The following AKAP6 variants were observed in gnomAD, a reference collection of about 807,000 sequenced individuals.
The protein encoded by AKAP6 is A-kinase anchoring protein 6.
In AKAP6, 58 loss-of-function variants were observed where a neutral mutation model predicts 188.5. The observed-to-expected ratio is 0.31, with a 90% CI of 0.25 to 0.38. AKAP6 has a LOEUF of 0.38. Among genes scored for constraint, AKAP6 ranks in the 10% least tolerant of loss-of-function variants. The probability of loss-of-function intolerance (pLI) is 1.00; values close to 1 mark genes in which losing one functional copy is unlikely to be tolerated. For synonymous variants in AKAP6, 989 were observed against 998.6 expected, an observed-to-expected ratio of 0.99 and a Z score of 0.18; for missense variants, 2,710 against 2,740.0, an observed-to-expected ratio of 0.99 and a Z score of 0.24.
At chr14:32,460,325 C>G (rs1426332270) in intron 2 of AKAP6, among the ~76,000 whole-genome samples, 2 of 152,130 alleles carry the variant, frequency 1.3e-5, no homozygotes, top group Non-Finnish European at 2.9e-5. Flanking sequence ...TATTAACTGG[C>G]CAAGATGGCT....
At chr14:32,613,105 A>G (rs1218092389) in intron 7 of AKAP6, among the ~76,000 whole-genome samples, 1 of 152,238 alleles carries the variant, frequency 6.6e-6, no homozygotes, top group Non-Finnish European at 1.5e-5. Flanking sequence ...TGTAGGAAAT[A>G]TATGATTGGG....
intron 2 of AKAP6, among the ~76,000 whole-genome samples, chr14:32,459,651 G>T (rs933608334): frequency 4.2e-5 from 6 of 141,374 alleles, no homozygotes; most frequent in African/African-American, 1.5e-4. Flanking sequence ...AAAAAAAAAA[G>T]AAGAAAAAAT....
At chr14:32,448,486 A>G (rs886785880) in intron 2 of AKAP6, among the ~76,000 whole-genome samples, 1 of 152,200 alleles carries the variant, frequency 6.6e-6, no homozygotes, top group Admixed American at 6.5e-5. Context: ...TTAAAATAAT[A>G]TCTGGCCCTC....
chr14:32,355,071 A>G (rs1887433547), intron 1 of AKAP6, among the ~76,000 whole-genome samples: 1 of 152,100 alleles, frequency 6.6e-6, no homozygotes, highest in Non-Finnish European at 1.5e-5. Flanking sequence ...TGTCCTTTCT[A>G]TGGACTAATT....
intron 1 of AKAP6, among the ~76,000 whole-genome samples, chr14:32,379,164 G>A (rs371378471): frequency 5.1e-4 from 77 of 152,066 alleles, no homozygotes; most frequent in African/African-American, 1.6e-3. Context: ...CAGGTGATCC[G>A]CCCCCTTGGC....
chr14:32,545,409 C>G lies in AKAP6; in HGVS notation c.756C>G (p.Pro252=), dbSNP rs764264334. 4 of 1,614,078 alleles carry G rather than the reference C, an allele frequency of 2.5e-6. No homozygotes were observed. The highest frequency in any genetic ancestry group is 1.3e-5 in the African/African-American group (1 of 74,924). ...DMTSSQVKTK[P]FDSWSYSEME... ...CCTCTAGCCAAGTCAAAACCAAACC[C>G]TTTGACTCTTGGAGCTACAGTGAGA... The change falls in exon 4 of 14, where the codon CCC becomes CCG. Residue 252 remains proline (P), a synonymous_variant. Coordinates refer to ENST00000280979, the MANE Select transcript of AKAP6 (RefSeq NM_004274.5).
chr14:32,597,508 CAGGCACGTTTTGACTAT>C (rs1885753974), intron 5 of AKAP6, among the ~76,000 whole-genome samples: 1 of 152,144 alleles, frequency 6.6e-6, no homozygotes, highest in Non-Finnish European at 1.5e-5. Flanking sequence ...AAAGTAAGTG[CAGGCACGTTTTGACTAT>C]AAAATAACAA....
intron 5 of AKAP6, among the ~76,000 whole-genome samples, chr14:32,588,744 A>C (rs950345011): frequency 6.6e-6 from 1 of 152,170 alleles, no homozygotes; most frequent in Non-Finnish European, 1.5e-5. Flanking sequence ...CATTATACTA[A>C]ATACTTATAA....
intron 1 of AKAP6, among the ~76,000 whole-genome samples, chr14:32,429,034 G>A (rs1346649787): frequency 6.6e-6 from 1 of 152,150 alleles, no homozygotes; most frequent in Non-Finnish European, 1.5e-5. Flanking sequence ...AAAGGTGGCC[G>A]CAGACAAGCA....
At chr14:32,808,817 T>C (rs2140109158) in intron 12 of AKAP6, among the ~76,000 whole-genome samples, 1 of 152,304 alleles carries the variant, frequency 6.6e-6, no homozygotes, top group Non-Finnish European at 1.5e-5. Context: ...GTCTTCATGT[T>C]TGGTGTGCAG....
chr14:32,837,251 A>C lies in AKAP6; in HGVS notation c.*7446A>C, dbSNP rs1409295208. On this transcript the variant is annotated 3_prime_UTR_variant, in exon 14 of 14. Coordinates refer to ENST00000280979, the MANE Select transcript of AKAP6 (RefSeq NM_004274.5). ...TTTAACACAAATGCATAAAAATATG[A>C]TGTAATAAGAAACAATCCTGAAATT... 6.6e-6 allele frequency: 1 copy of C among 152,238 alleles called. No individual in the cohort carries two copies. The highest frequency in any genetic ancestry group is 6.5e-5 in the Admixed American group (1 of 15,284). 9.4% of individuals were successfully genotyped at this position (152,238 alleles called of 1,614,324 possible).
At chr14:32,516,987 T>C (rs1444834279) in intron 2 of AKAP6, among the ~76,000 whole-genome samples, 1 of 152,186 alleles carries the variant, frequency 6.6e-6, no homozygotes, top group Non-Finnish European at 1.5e-5. Flanking sequence ...TGAAGCTAGA[T>C]TGAAGGAGAT....
chr14:32,644,486 A>G (rs1264257095), intron 7 of AKAP6, among the ~76,000 whole-genome samples: 1 of 152,170 alleles, frequency 6.6e-6, no homozygotes, highest in Admixed American at 6.5e-5. Context: ...ATCTCTGTAA[A>G]TAGTGCCCAG....
chr14:32,601,875 A>G (rs1885940002), intron 7 of AKAP6, among the ~76,000 whole-genome samples: 1 of 152,206 alleles, frequency 6.6e-6, no homozygotes, highest in Non-Finnish European at 1.5e-5. Context: ...AGCCAGTGAA[A>G]AGCTCAGACA....
intron 7 of AKAP6, among the ~76,000 whole-genome samples, chr14:32,629,751 T>A (rs1341214534): frequency 6.6e-6 from 1 of 151,046 alleles, no homozygotes; most frequent in East Asian, 2.0e-4. Flanking sequence ...AATACTTCAG[T>A]GTGACTTGAA....
At chr14:32,686,114 AG>A (rs1346088370) in intron 8 of AKAP6, among the ~76,000 whole-genome samples, 1 of 152,226 alleles carries the variant, frequency 6.6e-6, no homozygotes, top group Non-Finnish European at 1.5e-5. Context: ...GCCATAAAAA[AG>A]AATGAACTTC....
intron 9 of AKAP6, among the ~76,000 whole-genome samples, chr14:32,707,196 A>G (rs1890846286): frequency 6.6e-6 from 1 of 152,138 alleles, no homozygotes; most frequent in South Asian, 2.1e-4. Context: ...ATTTAAAAAA[A>G]TCTTTCACCA....
At chr14:32,614,010 G>A (rs1217403863) in intron 7 of AKAP6, among the ~76,000 whole-genome samples, 1 of 152,044 alleles carries the variant, frequency 6.6e-6, no homozygotes, top group Non-Finnish European at 1.5e-5. Context: ...ATTTCCTAGT[G>A]AGAACTTTTT....
intron 1 of AKAP6, among the ~76,000 whole-genome samples, chr14:32,406,018 G>A (rs1339675994): frequency 6.6e-6 from 1 of 152,158 alleles, no homozygotes; most frequent in African/African-American, 2.4e-5. Flanking sequence ...CTAATCTACT[G>A]TTTAAACAAG....
Sources: gnomAD v4.1 joint callset for allele counts (sites outside exome capture counted in the v4.1 genomes callset) on GRCh38, gnomAD v4.1.1 for gene constraint, MANE v1.5 for transcripts, NCBI Gene and HGNC (gene_info 2026-07-23, HGNC 2026-07-21) for gene names.